TMEM132D: variants seen among roughly 807,000 people sequenced by gnomAD.
The protein encoded by TMEM132D is transmembrane protein 132D.
In TMEM132D, 21 loss-of-function variants were observed where a neutral mutation model predicts 62.3. The ratio of observed to expected loss-of-function variants is 0.34; its 90% confidence interval spans 0.24 to 0.49. TMEM132D has a LOEUF of 0.49. TMEM132D is among the 20% of genes least tolerant of loss of function. The probability of loss-of-function intolerance (pLI) is 0.99; values close to 1 mark genes in which losing one functional copy is unlikely to be tolerated. For synonymous variants in TMEM132D, 621 were observed against 575.6 expected (o/e 1.08, Z -1.13); for missense variants, 1,346 against 1,402.8 (o/e 0.96, Z 0.65).
chr12:129,483,327 C>G lies in TMEM132D; in HGVS notation c.1115+47732G>C, dbSNP rs549144650. Among the ~76,000 whole-genome samples the G allele has an allele frequency of 2.0e-5, 3 of 152,250 alleles. No homozygotes were observed. The East Asian group carries it at 5.8e-4, about 29-fold the overall frequency. On this transcript the variant is annotated intron_variant, in intron 3 of 8. Coordinates refer to ENST00000422113, the MANE Select transcript of TMEM132D (RefSeq NM_133448.3). ...TTTGAAAAAGTACAGACGCTTGGGC[C>G]CCATCCCAGAAATTCTGTTTTAATT...
intron 2 of TMEM132D, among the ~76,000 whole-genome samples, chr12:129,571,669 G>A (rs1877518087): frequency 6.6e-6 from 1 of 152,044 alleles, no homozygotes; most frequent in African/African-American, 2.4e-5. Context: ...TGTGCACCGT[G>A]GGCTCATTTC....
At chr12:129,180,155 C>A (rs1351374014) in intron 5 of TMEM132D, among the ~76,000 whole-genome samples, 1 of 152,108 alleles carries the variant, frequency 6.6e-6, no homozygotes, top group African/African-American at 2.4e-5. Context: ...GACCATTAAC[C>A]CAGTAAGCAC....
chr12:129,675,373 G>C (rs1880602043), intron 2 of TMEM132D, among the ~76,000 whole-genome samples: 1 of 151,824 alleles, frequency 6.6e-6, no homozygotes, highest in East Asian at 1.9e-4. Context: ...GGGCCTGTCG[G>C]GGGGTGGGGG....
intron 4 of TMEM132D, chr12:129,262,514 T>C (rs145288494): frequency 6.6e-6 from 1 of 152,374 alleles, no homozygotes; most frequent in African/African-American, 2.4e-5. Context: ...ACGTGCCATG[T>C]CTGAAGCAAC....
At chr12:129,849,681 AC>A (rs1873474242) in intron 1 of TMEM132D, among the ~76,000 whole-genome samples, 1 of 152,202 alleles carries the variant, frequency 6.6e-6, no homozygotes, top group Non-Finnish European at 1.5e-5. Context: ...CAGGGAAGGA[AC>A]TGAGCTTTAC....
chr12:129,579,804 A>G (rs155372), intron 2 of TMEM132D, among the ~76,000 whole-genome samples: 127,523 of 152,126 alleles, frequency 0.84, 53,592 homozygotes, highest in East Asian at 0.97. Context: ...AGAAACACCC[A>G]GAAGCAATAC....
chr12:129,401,791 A>C (rs1385480440), intron 3 of TMEM132D, among the ~76,000 whole-genome samples: 1 of 151,480 alleles, frequency 6.6e-6, no homozygotes, highest in Admixed American at 6.6e-5. Flanking sequence ...CCACTCCTCA[A>C]CCTCCACCTC....
Position 129,165,924 on chromosome 12 carries a change from C to T in TMEM132D, c.1443+43596G>A, listed in dbSNP as rs569163615. Among the ~76,000 whole-genome samples the T allele has an allele frequency of 8.5e-5, 13 of 152,320 alleles. No homozygotes were observed. The East Asian group carries it at 1.5e-3, about 18-fold the overall frequency. On this transcript the variant is annotated intron_variant, in intron 5 of 8. Transcript: ENST00000422113. ...AGAATAATAGTGGCTATTCACGTGACGCTGACTATGGGCTGAGCCCTGGGT... is the reference window on the plus strand; with the variant it reads ...AGAATAATAGTGGCTATTCACGTGATGCTGACTATGGGCTGAGCCCTGGGT...
intron 5 of TMEM132D, among the ~76,000 whole-genome samples, chr12:129,120,202 A>G (rs1228700458): frequency 6.6e-6 from 1 of 152,162 alleles, no homozygotes; most frequent in Non-Finnish European, 1.5e-5. Context: ...CTTGATTTAC[A>G]TTTTTAAGAA....
intron 3 of TMEM132D, among the ~76,000 whole-genome samples, chr12:129,357,321 G>A (rs113358037): frequency 0.091 from 11,173 of 123,012 alleles, 990 homozygotes; most frequent in African/African-American, 0.27. Context: ...AAAGGAAGGA[G>A]GGAAGGAAAG....
intron 2 of TMEM132D, among the ~76,000 whole-genome samples, chr12:129,550,680 A>G (rs1265786521): frequency 6.6e-6 from 1 of 152,204 alleles, no homozygotes; most frequent in Non-Finnish European, 1.5e-5. Flanking sequence ...GGAGGTGAAG[A>G]CAGACACTTT....
intron 1 of TMEM132D, among the ~76,000 whole-genome samples, chr12:129,759,465 T>C (rs1471601097): frequency 1.3e-5 from 2 of 152,182 alleles, no homozygotes; most frequent in African/African-American, 2.4e-5. Flanking sequence ...GGCACTACAA[T>C]GCTAACGCTA....
chr12:129,791,054 C>G (rs1223706241), intron 1 of TMEM132D, among the ~76,000 whole-genome samples: 1 of 152,194 alleles, frequency 6.6e-6, no homozygotes, highest in Non-Finnish European at 1.5e-5. Flanking sequence ...AGTGACATAT[C>G]TTTATTTCAT....
rs1881760793 is a variant in TMEM132D at position 129,303,012 on chromosome 12, C to T, written c.1299+34622G>A. Among the ~76,000 whole-genome samples the T allele has an allele frequency of 1.3e-5, 2 of 152,176 alleles. 1 individual carries two copies. The highest frequency in any genetic ancestry group is 4.1e-4 in the South Asian group (2 of 4,828). ...GTAGAAACCAATGTCTTCTACTCCA[C>T]TTACAAGCACGGGTCCTTAATTCCA... On this transcript the variant is annotated intron_variant, in intron 4 of 8. Transcript: ENST00000422113.
At chr12:129,442,411 C>G (rs1260589527) in intron 3 of TMEM132D, among the ~76,000 whole-genome samples, 1 of 152,136 alleles carries the variant, frequency 6.6e-6, no homozygotes, top group Non-Finnish European at 1.5e-5. Flanking sequence ...ACTTAAGAGT[C>G]CCAAGACTCT....
In TMEM132D at chr12:129,160,219, T is replaced by C. The variant is rs78465199; in HGVS notation, c.1443+49301A>G. Among the ~76,000 whole-genome samples, 789 of 152,364 alleles carry C rather than the reference T, an allele frequency of 5.2e-3. 22 individuals carry two copies. Among genetic ancestry groups the C allele is most frequent in the Admixed American group, 0.037 (567 of 15,302 alleles). On this transcript the variant is annotated intron_variant, in intron 5 of 8. Coordinates refer to ENST00000422113, the MANE Select transcript of TMEM132D (RefSeq NM_133448.3). ...CCTCAACCACATCCATTTTGTCTTC[T>C]ATTTTTCACAGAATTCAATTCACAT...
chr12:129,683,119 C>G (rs1403675111), intron 2 of TMEM132D: 1 of 151,572 alleles, frequency 6.6e-6, no homozygotes, highest in African/African-American at 2.4e-5. Context: ...AGCTCAGTCA[C>G]TTTAGTGCTC....
chr12:129,404,403 G>GCCA (rs1871712731), intron 3 of TMEM132D, among the ~76,000 whole-genome samples: 1 of 152,084 alleles, frequency 6.6e-6, no homozygotes, highest in Admixed American at 6.5e-5. Flanking sequence ...CGCCATAATG[G>GCCA]CCAGGCTGGT....
chr12:129,669,829 AC>A (rs1284254087), intron 2 of TMEM132D, among the ~76,000 whole-genome samples: 1 of 152,204 alleles, frequency 6.6e-6, no homozygotes, highest in African/African-American at 2.4e-5. Flanking sequence ...ATTATTTACA[AC>A]CGTGGTCACT....
Sources: gnomAD v4.1 joint callset for allele counts (sites outside exome capture counted in the v4.1 genomes callset) on GRCh38, gnomAD v4.1.1 for gene constraint, MANE v1.5 for transcripts, NCBI Gene and HGNC (gene_info 2026-07-23, HGNC 2026-07-21) for gene names.